GATA4: variants seen among roughly 807,000 people sequenced by gnomAD.
The protein encoded by GATA4 is GATA binding protein 4.
In GATA4, 7 loss-of-function variants were observed where a neutral mutation model predicts 37.9. That is an observed-to-expected ratio of 0.18 (90% CI 0.11 to 0.35). The LOEUF is 0.35. Ranked by LOEUF, GATA4 falls within the 10% of genes least tolerant of loss-of-function variation. GATA4 has a pLI of 1.00. For synonymous variants in GATA4, 372 were observed against 292.6 expected (o/e 1.27, Z -2.77); for missense variants, 647 against 653.0 (o/e 0.99, Z 0.10).
intron 1 of GATA4, among the ~76,000 whole-genome samples, chr8:11,696,880 G>C (rs1799524140): frequency 6.6e-6 from 1 of 152,226 alleles, no homozygotes; most frequent in South Asian, 2.1e-4. Flanking sequence ...GAGCCCACCA[G>C]CCCCTGAGCC....
Position 11,709,254 on chromosome 8 carries a change from C to G in GATA4, c.616+326C>G. On this transcript the variant is annotated intron_variant, in intron 2 of 6. Transcript: ENST00000532059. The surrounding 1 kb of genome is among the most constrained non-coding windows in gnomAD (Gnocchi z 4.3). ...GGTGACGCGGGAGGACAGCGGGCTC[C>G]CTGGAGAGCCGGGGGCAGCGGCCTG... 6.6e-6 allele frequency among the ~76,000 whole-genome samples: 1 copy of G among 152,196 alleles called. No individual in the cohort carries two copies. The highest frequency in any genetic ancestry group is 1.9e-4 in the East Asian group (1 of 5,176).
chr8:11,682,151 A>T (rs974647319), intron 1 of GATA4, among the ~76,000 whole-genome samples: 2 of 152,212 alleles, frequency 1.3e-5, no homozygotes, highest in African/African-American at 2.4e-5. Context: ...TTTTCCAAGC[A>T]CTAGGTGGTG....
chr8:11,717,582 G>A (rs1294286789), intron 2 of GATA4, among the ~76,000 whole-genome samples: 1 of 152,132 alleles, frequency 6.6e-6, no homozygotes, highest in Non-Finnish European at 1.5e-5. Flanking sequence ...CCCACACTTT[G>A]TATTTGCCAA....
At chr8:11,735,935 G>C (rs1446239618) in intron 2 of GATA4, among the ~76,000 whole-genome samples, 1 of 152,040 alleles carries the variant, frequency 6.6e-6, no homozygotes, top group African/African-American at 2.4e-5. Context: ...TTTTGAGATA[G>C]GGTTTTGCTT....
chr8:11,734,748 C>T (rs1208379123), intron 2 of GATA4, among the ~76,000 whole-genome samples: 1 of 152,150 alleles, frequency 6.6e-6, no homozygotes, highest in Non-Finnish European at 1.5e-5. Context: ...CCTCGGCCTC[C>T]GAAAGGGCTG....
intron 1 of GATA4, chr8:11,683,160 GC>G (rs1799029249): frequency 1.0e-6 from 1 of 967,054 alleles, no homozygotes; most frequent in African/African-American, 1.8e-5. Context: ...TAATGGAGGG[GC>G]TCGCTATCTA....
chr8:11,712,258 G>C (rs534979085), intron 2 of GATA4, among the ~76,000 whole-genome samples: 1 of 152,318 alleles, frequency 6.6e-6, no homozygotes, highest in African/African-American at 2.4e-5. Context: ...GGGATTGTTC[G>C]TGGTAAACCT....
chr8:11,735,325 T>C (rs1242858948), intron 2 of GATA4, among the ~76,000 whole-genome samples: 1 of 152,210 alleles, frequency 6.6e-6, no homozygotes, highest in Non-Finnish European at 1.5e-5. Context: ...GTATATAGAT[T>C]AATTGGAAGG....
upstream of GATA4, among the ~76,000 whole-genome samples, chr8:11,702,475 C>G (rs540578915): frequency 6.6e-6 from 1 of 151,886 alleles, no homozygotes; most frequent in East Asian, 1.9e-4. This position sits in a 1 kb window ranked among gnomAD's most constrained non-coding sequence, Gnocchi z 4.4. Context: ...CGCTCGCCCC[C>G]CACGAAGATG....
intron 2 of GATA4, among the ~76,000 whole-genome samples, chr8:11,718,373 G>A (rs752933014): frequency 1.7e-4 from 26 of 152,240 alleles, no homozygotes; most frequent in Non-Finnish European, 3.2e-4. Context: ...AGGAGCCCAA[G>A]AATTGACCTG....
chr8:11,705,664 G>A (rs897201715), intron 1 of GATA4, among the ~76,000 whole-genome samples: 1 of 152,210 alleles, frequency 6.6e-6, no homozygotes, highest in Non-Finnish European at 1.5e-5. Flanking sequence ...CCAGCCAGAG[G>A]CGTTTTCCAA....
intron 1 of GATA4, among the ~76,000 whole-genome samples, chr8:11,678,240 C>A (rs893144967): frequency 6.6e-6 from 1 of 152,048 alleles, no homozygotes; most frequent in Non-Finnish European, 1.5e-5. Context: ...AGCAAGCGCT[C>A]TTCTGGAATT....
chr8:11,687,465 A>G (rs1585554166), intron 1 of GATA4, among the ~76,000 whole-genome samples: 1 of 152,206 alleles, frequency 6.6e-6, no homozygotes, highest in Non-Finnish European at 1.5e-5. Flanking sequence ...CTGCTGAACC[A>G]AACAGAGCTC....
At chr8:11,747,164 T>C (rs532633115) in intron 2 of GATA4, among the ~76,000 whole-genome samples, 3 of 152,324 alleles carry the variant, frequency 2.0e-5, no homozygotes, top group Non-Finnish European at 4.4e-5. Flanking sequence ...GGCAGCAGCA[T>C]AGGAAGAATC....
chr8:11,719,131 G>A (rs529593574), intron 2 of GATA4, among the ~76,000 whole-genome samples: 1 of 151,984 alleles, frequency 6.6e-6, no homozygotes, highest in African/African-American at 2.4e-5. Context: ...ATCAGCTTGG[G>A]TTGAAATTGT....
intron 1 of GATA4, among the ~76,000 whole-genome samples, chr8:11,683,431 GT>G (rs77330007): frequency 1.3e-5 from 2 of 151,912 alleles, no homozygotes; most frequent in African/African-American, 2.4e-5. Context: ...TGGAGGTATC[GT>G]TTTTTTTCTT....
At position 11,755,043 on chromosome 8, in the gene GATA4, C is replaced by T. The variant is rs750413934; in HGVS notation, c.913-3C>T. 2 of 1,613,140 alleles carry T rather than the reference C, an allele frequency of 1.2e-6. No individual in the cohort carries two copies. The highest frequency in any genetic ancestry group is 1.7e-5 in the Admixed American group (1 of 60,012). ...CCCTATATATTTACTTGTGACCCTC[C>T]AGGTCCCCAGGCCTCTTGCAATGCG... On this transcript the variant is annotated splice_polypyrimidine_tract_variant and splice_region_variant and intron_variant, in intron 4 of 6. Transcript: ENST00000532059.
rs1027621355 is a variant in GATA4 at position 11,757,143 on chromosome 8, G to C, written c.1149+60G>C. 5.0e-6 allele frequency: 8 copies of C among 1,605,136 alleles called. No homozygotes were observed. The African/African-American group carries it at 9.4e-5, about 19-fold the overall frequency. ...TGGGGAGGCCGACTGCAGAGTCCCA[G>C]AGGCCAGCCTAGTACTGGGTGGGAC... is the stretch of plus-strand genomic sequence containing the variant. On this transcript the variant is annotated intron_variant, in intron 6 of 6. Coordinates refer to ENST00000532059, the MANE Select transcript of GATA4 (RefSeq NM_001308093.3).
At chr8:11,677,994 G>T (rs1315540758) in intron 1 of GATA4, among the ~76,000 whole-genome samples, 1 of 149,462 alleles carries the variant, frequency 6.7e-6, no homozygotes, top group Non-Finnish European at 1.5e-5. Flanking sequence ...ATTTGTAGCT[G>T]AGAAAAGGGC....
Sources: gnomAD v4.1 joint callset for allele counts (sites outside exome capture counted in the v4.1 genomes callset) on GRCh38, gnomAD v4.1.1 for gene constraint, Gnocchi (gnomAD v3.1) non-coding constraint, MANE v1.5 for transcripts, NCBI Gene and HGNC (gene_info 2026-07-23, HGNC 2026-07-21) for gene names.